The following SUPT3H variants were observed in gnomAD, a reference collection of about 807,000 sequenced individuals.
The protein encoded by SUPT3H is transcription initiation protein SPT3 homolog.
Under a neutral mutation model 44.3 loss-of-function variants are expected in SUPT3H, and 44 were observed. The observed-to-expected ratio is 0.99, with a 90% confidence interval of 0.78 to 1.28. The LOEUF is 1.28. Ranked by LOEUF, SUPT3H falls within the 50% of genes most tolerant of loss-of-function variation. The pLI is 0.00. For synonymous variants in SUPT3H, 124 were observed against 125.6 expected, an observed-to-expected ratio of 0.99 and a Z score of 0.09; for missense variants, 380 against 387.1, an observed-to-expected ratio of 0.98 and a Z score of 0.15.
At chr6:44,838,903 C>T (rs1770423540) in intron 10 of SUPT3H, among the ~76,000 whole-genome samples, 1 of 152,292 alleles carries the variant, frequency 6.6e-6, no homozygotes, top group African/African-American at 2.4e-5. Context: ...ACATATTACA[C>T]ATCTATATTT....
intron 3 of SUPT3H, 116 bp downstream of exon 3, chr6:45,105,806 T>C (rs763550922): frequency 2.6e-6 from 2 of 766,216 alleles, no homozygotes; most frequent in Non-Finnish European, 4.1e-6. Flanking sequence ...TATACTTCAA[T>C]AATGCTAACA....
chr6:45,117,598 A>G (rs1223191055), intron 2 of SUPT3H, among the ~76,000 whole-genome samples: 2 of 152,130 alleles, frequency 1.3e-5, no homozygotes, highest in Admixed American at 1.3e-4. Flanking sequence ...AGCATTCTAG[A>G]AAAACCACCT....
intron 10 of SUPT3H, among the ~76,000 whole-genome samples, chr6:44,906,654 T>C (rs969022299): frequency 1.3e-5 from 2 of 151,904 alleles, no homozygotes; most frequent in African/African-American, 4.8e-5. Context: ...CCCAGTTACT[T>C]GGGAGGCTGA....
intron 2 of SUPT3H, among the ~76,000 whole-genome samples, chr6:45,254,998 T>C (rs751747200): frequency 6.6e-6 from 1 of 152,208 alleles, no homozygotes. Flanking sequence ...CAATTTGCTG[T>C]ACTGCACCAC....
At chr6:45,120,417 T>TTAA (rs370965970) in intron 2 of SUPT3H, among the ~76,000 whole-genome samples, 7 of 50,510 alleles carry the variant, frequency 1.4e-4, no homozygotes, top group Non-Finnish European at 1.9e-4. Flanking sequence ...AGACCTTGTC[T>TTAA]AAAAAAAAAA....
At chr6:45,307,080 C>T (rs751505712) in intron 2 of SUPT3H, among the ~76,000 whole-genome samples, 7 of 152,210 alleles carry the variant, frequency 4.6e-5, no homozygotes, top group South Asian at 2.1e-4. Context: ...GAGGGGTGCC[C>T]GCCATTGCTG....
intron 3 of SUPT3H, among the ~76,000 whole-genome samples, chr6:45,059,663 G>A (rs952413544): frequency 2.6e-5 from 4 of 152,042 alleles, no homozygotes; most frequent in African/African-American, 9.7e-5. Flanking sequence ...GTTTGCAGAT[G>A]ACATAATCCT....
intron 3 of SUPT3H, among the ~76,000 whole-genome samples, chr6:45,096,036 T>C (rs1797738805): frequency 6.6e-6 from 1 of 152,120 alleles, no homozygotes; most frequent in African/African-American, 2.4e-5. Context: ...AGGGACGCTA[T>C]GTTCCAGGAA....
At chr6:44,925,923 G>T (rs1769443556) in intron 10 of SUPT3H, among the ~76,000 whole-genome samples, 1 of 152,076 alleles carries the variant, frequency 6.6e-6, no homozygotes, top group Non-Finnish European at 1.5e-5. Flanking sequence ...TGAATTTTCT[G>T]ATGGGACAAT....
intron 4 of SUPT3H, among the ~76,000 whole-genome samples, chr6:45,015,789 ACGCG>A (rs76221894): frequency 1.8e-4 from 26 of 147,036 alleles, no homozygotes; most frequent in African/African-American, 5.9e-4. Context: ...AGATGCACAC[ACGCG>A]CGCGCACACA....
At chr6:45,317,291 A>G (rs983346598) in intron 2 of SUPT3H, among the ~76,000 whole-genome samples, 1 of 151,372 alleles carries the variant, frequency 6.6e-6, no homozygotes, top group Non-Finnish European at 1.5e-5. Context: ...AAAGTGACCT[A>G]AAGACTGAAT....
chr6:45,083,855 T>C (rs149990312), intron 3 of SUPT3H, among the ~76,000 whole-genome samples: 3 of 152,340 alleles, frequency 2.0e-5, no homozygotes, highest in East Asian at 3.9e-4. Flanking sequence ...AAGGATTCCA[T>C]ATTCAATAAA....
rs142329377 is a variant in SUPT3H, at chr6:44,845,430, G to T, written c.913-15573C>A. 1.9e-3 allele frequency among the ~76,000 whole-genome samples: 287 copies of T among 152,270 alleles called. 2 individuals carry two copies. The highest frequency in any genetic ancestry group is 6.6e-3 in the African/African-American group (274 of 41,552). ...CTCCTTGATAAAGGTATATGAAGTA[G>T]CAGGCTTTCAAAAACTGTTTTGGTA... On this transcript the variant is annotated intron_variant, in intron 10 of 10. Coordinates refer to ENST00000371459, the MANE Select transcript of SUPT3H (RefSeq NM_003599.4).
chr6:45,230,604 G>A (rs1767783125), intron 2 of SUPT3H, among the ~76,000 whole-genome samples: 1 of 140,256 alleles, frequency 7.1e-6, no homozygotes, highest in African/African-American at 2.6e-5. Flanking sequence ...GTCTTTACAA[G>A]TGAAGTACAC....
intron 2 of SUPT3H, among the ~76,000 whole-genome samples, chr6:45,177,961 A>C (rs1282202400): frequency 6.6e-6 from 1 of 152,192 alleles, no homozygotes; most frequent in Non-Finnish European, 1.5e-5. Context: ...GCTGCTGCAA[A>C]ATCATGCCAA....
intron 2 of SUPT3H, among the ~76,000 whole-genome samples, chr6:45,235,670 G>A (rs2153643491): frequency 6.6e-6 from 1 of 152,248 alleles, no homozygotes; most frequent in Admixed American, 6.5e-5. Flanking sequence ...TACTGGACAA[G>A]AGAATTAAGG....
At chr6:45,296,210 A>ACACACACACACACACT in intron 2 of SUPT3H, among the ~76,000 whole-genome samples, 1 of 151,730 alleles carries the variant, frequency 6.6e-6, no homozygotes, top group African/African-American at 2.4e-5. Flanking sequence ...ACACACACAC[A>ACACACACACACACACT]CACAATGCAA....
chr6:44,995,554 G>A (rs955805467), intron 6 of SUPT3H, among the ~76,000 whole-genome samples: 3 of 151,956 alleles, frequency 2.0e-5, no homozygotes, highest in Non-Finnish European at 4.4e-5. Context: ...GGCAACAAGC[G>A]CCTTCTCTAG....
chr6:45,245,648 T>C (rs1183798322), intron 2 of SUPT3H, among the ~76,000 whole-genome samples: 1 of 152,194 alleles, frequency 6.6e-6, no homozygotes, highest in Non-Finnish European at 1.5e-5. Flanking sequence ...AATATTCCAT[T>C]TCATGTAGGT....
Sources: gnomAD v4.1 joint callset for allele counts (sites outside exome capture counted in the v4.1 genomes callset) on GRCh38, gnomAD v4.1.1 for gene constraint, MANE v1.5 for transcripts, NCBI Gene and HGNC (gene_info 2026-07-23, HGNC 2026-07-21) for gene names.